GULP1: variants seen among roughly 807,000 people sequenced by gnomAD.
The protein encoded by GULP1 is PTB domain-containing engulfment adapter protein 1.
Under a neutral mutation model 40.9 loss-of-function variants are expected in GULP1, and 19 were observed. The observed-to-expected ratio is 0.46, with a 90% confidence interval of 0.32 to 0.68. The LOEUF (loss-of-function observed/expected upper bound fraction) is 0.68. Among genes scored for constraint, GULP1 ranks in the 30% least tolerant of loss-of-function variants. The probability of loss-of-function intolerance (pLI) is 0.03; values close to 1 mark genes in which losing one functional copy is unlikely to be tolerated. For synonymous variants in GULP1, 119 were observed against 117.6 expected, an observed-to-expected ratio of 1.01 and a Z score of -0.08; for missense variants, 312 against 362.2, an observed-to-expected ratio of 0.86 and a Z score of 1.12.
rs183912239 is a variant in GULP1, at chr2:188,569,974, T to C, written c.517-54T>C. ...AATTCCTACTCATAACTGTAGCCAATATTTTCCAAGAAAAAAAAAACAGAA... is the reference window on the plus strand; with the variant it reads ...AATTCCTACTCATAACTGTAGCCAACATTTTCCAAGAAAAAAAAAACAGAA... On this transcript the variant is annotated intron_variant, in intron 8 of 11. Coordinates refer to ENST00000409830, the MANE Select transcript of GULP1 (RefSeq NM_016315.4). 1.9e-3 allele frequency: 1,383 copies of C among 726,300 alleles called. 21 individuals are homozygous for C. Among genetic ancestry groups the C allele is most frequent in the Non-Finnish European group, 3.2e-4 (136 of 419,654 alleles). 45.0% of individuals were successfully genotyped at this position (726,300 alleles called of 1,614,324 possible). A position where few individuals can be genotyped will look rare whatever the true frequency, so the allele number is the denominator to read the frequency against.
intron 1 of GULP1, among the ~76,000 whole-genome samples, chr2:188,314,880 G>A (rs1373857619): frequency 5.9e-5 from 9 of 152,032 alleles, no homozygotes; most frequent in African/African-American, 1.4e-4. Context: ...CTAGCCATCC[G>A]TGCTGTCTGT....
intron 2 of GULP1, among the ~76,000 whole-genome samples, chr2:188,419,061 T>C (rs1393577673): frequency 6.6e-6 from 1 of 152,200 alleles, no homozygotes; most frequent in Admixed American, 6.5e-5. Context: ...ATTTTCTTTT[T>C]TTTAGAGTTA....
intron 1 of GULP1, among the ~76,000 whole-genome samples, chr2:188,333,749 A>C (rs1052890919): frequency 6.6e-6 from 1 of 152,142 alleles, no homozygotes; most frequent in Admixed American, 6.5e-5. Flanking sequence ...TACCACTCTG[A>C]ATTTTGTTAT....
At chr2:188,553,948 A>G (rs1694132657) in intron 7 of GULP1, among the ~76,000 whole-genome samples, 1 of 151,974 alleles carries the variant, frequency 6.6e-6, no homozygotes, top group Non-Finnish European at 1.5e-5. Context: ...GTCAGCATAT[A>G]GTTTTTATAA....
At chr2:188,293,795 G>C (rs2034326566) in intron 1 of GULP1, 1 of 152,312 alleles carries the variant, frequency 6.6e-6, no homozygotes, top group South Asian at 2.1e-4. Flanking sequence ...AAAAAAGAGA[G>C]GAACCTGGCC....
At chr2:188,319,279 A>G (rs1475434499) in intron 1 of GULP1, among the ~76,000 whole-genome samples, 1 of 109,862 alleles carries the variant, frequency 9.1e-6, no homozygotes, top group Non-Finnish European at 2.1e-5. Context: ...CACAAGACAG[A>G]GAGAGCAAAA....
intron 2 of GULP1, among the ~76,000 whole-genome samples, chr2:188,404,869 C>A (rs912982639): frequency 2.0e-5 from 3 of 151,964 alleles, no homozygotes; most frequent in African/African-American, 7.2e-5. Flanking sequence ...GCTTCAGGGC[C>A]ACCCTGGCAT....
At chr2:188,426,906 ATTG>A (rs2056269286) in intron 2 of GULP1, among the ~76,000 whole-genome samples, 1 of 152,198 alleles carries the variant, frequency 6.6e-6, no homozygotes, top group Non-Finnish European at 1.5e-5. Flanking sequence ...GACTTATTAA[ATTG>A]TTGTGACCAA....
At chr2:188,511,773 T>TA (rs1380718811) in intron 4 of GULP1, among the ~76,000 whole-genome samples, 1 of 152,174 alleles carries the variant, frequency 6.6e-6, no homozygotes, top group Non-Finnish European at 1.5e-5. Context: ...ATTGTTATAA[T>TA]AAAATGAGGA....
chr2:188,358,706 T>G (rs932049537), intron 1 of GULP1, among the ~76,000 whole-genome samples: 1 of 152,132 alleles, frequency 6.6e-6, no homozygotes, highest in African/African-American at 2.4e-5. Context: ...TGGAATAAGA[T>G]TTACACAGTA....
At chr2:188,514,922 T>TA (rs2065024145) in intron 4 of GULP1, among the ~76,000 whole-genome samples, 1 of 152,252 alleles carries the variant, frequency 6.6e-6, no homozygotes. Context: ...TTCCATGGTA[T>TA]AGATGTACCA....
At chr2:188,372,463 GT>G (rs1036926462) in intron 1 of GULP1, among the ~76,000 whole-genome samples, 1 of 152,020 alleles carries the variant, frequency 6.6e-6, no homozygotes, top group African/African-American at 2.4e-5. Flanking sequence ...AGGAAATTTG[GT>G]TGTAAATTTT....
intron 3 of GULP1, among the ~76,000 whole-genome samples, chr2:188,479,512 A>T (rs2061286988): frequency 6.6e-6 from 1 of 152,142 alleles, no homozygotes; most frequent in Admixed American, 6.6e-5. Context: ...TCCAAGCATC[A>T]AGTGATCCTC....
At chr2:188,358,213 C>T (rs113388490) in intron 1 of GULP1, among the ~76,000 whole-genome samples, 7,427 of 151,554 alleles carry the variant, frequency 0.049, 634 homozygotes, top group African/African-American at 0.17. Flanking sequence ...AACAACAATT[C>T]TTGTCAGTGA....
chr2:188,540,162 G>A (rs1025107922), intron 6 of GULP1, among the ~76,000 whole-genome samples: 5 of 151,846 alleles, frequency 3.3e-5, no homozygotes, highest in Non-Finnish European at 5.9e-5. Flanking sequence ...GTGTATCTTA[G>A]GAAAATATAT....
intron 1 of GULP1, among the ~76,000 whole-genome samples, chr2:188,342,070 TAAAC>T (rs2043046014): frequency 6.6e-6 from 1 of 152,172 alleles, no homozygotes; most frequent in Non-Finnish European, 1.5e-5. Context: ...AGAAAGAACA[TAAAC>T]AAAAATATAT....
At chr2:188,430,754 A>G (rs773306405) in intron 2 of GULP1, among the ~76,000 whole-genome samples, 1 of 152,174 alleles carries the variant, frequency 6.6e-6, no homozygotes, top group Non-Finnish European at 1.5e-5. Flanking sequence ...AAAGCCAGCA[A>G]TACAAACTAA....
At chr2:188,413,832 G>A (rs759009180) in intron 2 of GULP1, among the ~76,000 whole-genome samples, 9 of 152,116 alleles carry the variant, frequency 5.9e-5, no homozygotes, top group Non-Finnish European at 1.2e-4. Flanking sequence ...ATATAGGTGG[G>A]TTATTTTGTG....
At chr2:188,325,433 TAA>T (rs1178532648) in intron 1 of GULP1, among the ~76,000 whole-genome samples, 2 of 152,136 alleles carry the variant, frequency 1.3e-5, no homozygotes, top group East Asian at 3.9e-4. Context: ...TAGAATTACT[TAA>T]AGTTTGATTT....
Sources: gnomAD v4.1 joint callset for allele counts (sites outside exome capture counted in the v4.1 genomes callset) on GRCh38, gnomAD v4.1.1 for gene constraint, MANE v1.5 for transcripts, NCBI Gene and HGNC (gene_info 2026-07-23, HGNC 2026-07-21) for gene names.